SNX27: variants seen among roughly 807,000 people sequenced by gnomAD.
The protein encoded by SNX27 is sorting nexin 27, also known as sorting nexin-27.
A neutral mutation model predicts 71.6 loss-of-function variants in SNX27; 22 were observed. The ratio of observed to expected loss-of-function variants is 0.31; its 90% CI spans 0.22 to 0.44. The LOEUF (loss-of-function observed/expected upper bound fraction) is 0.44. Among genes scored for constraint, SNX27 ranks in the 20% least tolerant of loss-of-function variants. The pLI, the probability that SNX27 is intolerant of heterozygous loss-of-function variation, is 1.00. For missense variants in SNX27, 531 were observed against 698.6 expected (o/e 0.76, Z 2.70); for synonymous variants, 269 against 277.2 (o/e 0.97, Z 0.29).
At chr1:151,618,785 G>A (rs1486947885) in intron 1 of SNX27, among the ~76,000 whole-genome samples, 1 of 152,106 alleles carries the variant, frequency 6.6e-6, no homozygotes, top group Non-Finnish European at 1.5e-5. Flanking sequence ...CTGACAAAAG[G>A]ATATTGTGGT....
At chr1:151,647,457 T>C (rs960817288) in intron 2 of SNX27, among the ~76,000 whole-genome samples, 2 of 139,490 alleles carry the variant, frequency 1.4e-5, no homozygotes, top group Admixed American at 7.5e-5. Context: ...GCCTATTACA[T>C]GTTTTAAGGT....
chr1:151,614,209 GGCCAGT>G (rs1336208075), intron 1 of SNX27: 1 of 151,494 alleles, frequency 6.6e-6, no homozygotes, highest in Non-Finnish European at 1.5e-5. Context: ...TGCTCACCTA[GGCCAGT>G]GTTTGGAGAC....
At chr1:151,617,426 G>A (rs1165713748) in intron 1 of SNX27, among the ~76,000 whole-genome samples, 1 of 152,142 alleles carries the variant, frequency 6.6e-6, no homozygotes, top group Non-Finnish European at 1.5e-5. Context: ...TTACAGGCAT[G>A]TGCCACCACG....
intron 10 of SNX27, 104 bp downstream of exon 10, chr1:151,693,143 T>A (rs1671536879): frequency 6.7e-7 from 1 of 1,483,676 alleles, no homozygotes; most frequent in Admixed American, 2.0e-5. Flanking sequence ...GTAGTTGTCT[T>A]GAGATCCGAA....
chr1:151,612,484 G>T lies in SNX27; in HGVS notation c.283G>T (p.Val95Leu). ...LPGGAADRAG[V>L]RKGDRILEVN... is the part of the protein sequence containing the mutation. ...CGGGGGGGCGGCCGATCGGGCCGGG[G>T]TGCGCAAGGGGGACCGCATCCTGGA... The change falls in exon 1 of 12, where the codon GTG becomes TTG. Residue 95 changes from valine to leucine, a missense_variant. Around this residue, in one of 5 missense-constraint regions of SNX27, gnomAD observed 13 missense variants for 45.6 expected, o/e 0.28. Transcript: ENST00000458013. The surrounding 1 kb of genome is among the most constrained non-coding windows in gnomAD (Gnocchi z 5.2). 3 of 1,404,246 alleles carry T rather than the reference G, an allele frequency of 2.1e-6. No individual in the cohort carries two copies. Among genetic ancestry groups the T allele is most frequent in the Non-Finnish European group, 2.8e-6 (3 of 1,082,080 alleles). 87.0% of individuals were successfully genotyped at this position (1,404,246 alleles called of 1,614,324 possible). A position where few individuals can be genotyped will look rare whatever the true frequency, so the allele number is the denominator to read the frequency against.
At chr1:151,626,860 A>C (rs1667969776) in intron 1 of SNX27, among the ~76,000 whole-genome samples, 1 of 152,182 alleles carries the variant, frequency 6.6e-6, no homozygotes, top group African/African-American at 2.4e-5. Flanking sequence ...ATCATGACTG[A>C]AGAGAGACAA....
At chr1:151,624,370 A>G (rs1407697508) in intron 1 of SNX27, among the ~76,000 whole-genome samples, 1 of 150,374 alleles carries the variant, frequency 6.7e-6, no homozygotes, top group Non-Finnish European at 1.5e-5. Flanking sequence ...GGTAATGATC[A>G]GATAATAAAT....
intron 6 of SNX27, among the ~76,000 whole-genome samples, chr1:151,668,169 A>G (rs554742153): frequency 1.3e-5 from 2 of 152,264 alleles, no homozygotes; most frequent in African/African-American, 4.8e-5. Flanking sequence ...CACCTCTAAC[A>G]TTGGGGATCA....
In SNX27 at chr1:151,662,212, A is replaced by T. The variant is rs776237861; in HGVS notation, c.848A>T (p.Asp283Val). ...SDVELRVALP[D>V]GTTVTVRVKK... ...GTAGAGCTGAGAGTAGCATTACCAG[A>T]TGGAACAACGGTTACAGTCAGGGTT... is the stretch of plus-strand genomic sequence containing the variant. The change falls in exon 5 of 12, where the codon GAT becomes GTT. Residue 283 changes from aspartate (D) to valine (V), a missense_variant. Physicochemically the swap from Asp to Val is radical, Grantham distance 152. Coordinates refer to ENST00000458013, the MANE Select transcript of SNX27 (RefSeq NM_001330723.2). 1 of 1,613,820 alleles carries T rather than the reference A, an allele frequency of 6.2e-7. No homozygotes were observed. Among genetic ancestry groups the T allele is most frequent in the South Asian group, 1.1e-5 (1 of 91,076 alleles).
At chr1:151,635,733 G>C (rs569193046) in intron 1 of SNX27, among the ~76,000 whole-genome samples, 1 of 152,248 alleles carries the variant, frequency 6.6e-6, no homozygotes, top group African/African-American at 2.4e-5. Flanking sequence ...AGTTGAACCA[G>C]ATAAATATTA....
At chr1:151,688,857 T>C (rs1177911248) in intron 8 of SNX27, among the ~76,000 whole-genome samples, 1 of 152,084 alleles carries the variant, frequency 6.6e-6, no homozygotes, top group African/African-American at 2.4e-5. Flanking sequence ...GTTTCTTCTT[T>C]GAGGCTTTGT....
At chr1:151,651,056 C>T (rs1265612317) in intron 2 of SNX27, among the ~76,000 whole-genome samples, 10 of 152,042 alleles carry the variant, frequency 6.6e-5, no homozygotes, top group Non-Finnish European at 8.8e-5. Context: ...CCACCTTTCC[C>T]GCCTTTCTAT....
chr1:151,698,114 CA>C lies in SNX27; in HGVS notation c.*3698del, dbSNP rs1322640956. On this transcript the variant is annotated 3_prime_UTR_variant, in exon 12 of 12. Transcript: ENST00000458013. ...AGCTCCTAGGCCTGGACTGAGCTCT[CA>C]GGGGGGAATTAGATAAATATTCCAA... 1.3e-5 allele frequency: 2 copies of C among 152,234 alleles called. No homozygotes were observed. The highest frequency in any genetic ancestry group is 4.8e-5 in the African/African-American group (2 of 41,346). The allele number at this position is 152,234 out of a possible 1,614,324, so 9.4% of individuals were successfully genotyped here.
intron 1 of SNX27, among the ~76,000 whole-genome samples, chr1:151,634,752 T>C (rs1236890546): frequency 6.6e-6 from 1 of 152,198 alleles, no homozygotes; most frequent in Non-Finnish European, 1.5e-5. Flanking sequence ...TTTTCCTTCA[T>C]TTTATTATGA....
intron 1 of SNX27, chr1:151,615,877 TTG>T (rs1202122751): frequency 8.4e-6 from 8 of 950,000 alleles, no homozygotes; most frequent in Non-Finnish European, 8.8e-6. Flanking sequence ...TTCAGTTTCT[TTG>T]TGTTTCTTTT....
At chr1:151,631,492 C>T (rs985786114) in intron 1 of SNX27, among the ~76,000 whole-genome samples, 8 of 152,082 alleles carry the variant, frequency 5.3e-5, no homozygotes, top group Non-Finnish European at 8.8e-5. Flanking sequence ...TTGTAATCTT[C>T]GTTTTTGCAT....
intron 1 of SNX27, among the ~76,000 whole-genome samples, chr1:151,622,874 A>C (rs1667737179): frequency 6.6e-6 from 1 of 152,142 alleles, no homozygotes; most frequent in African/African-American, 2.4e-5. Context: ...CTGAAGCCAC[A>C]ACCTCCTGGA....
At chr1:151,640,030 C>T (rs548788237) in intron 2 of SNX27, among the ~76,000 whole-genome samples, 2 of 152,278 alleles carry the variant, frequency 1.3e-5, no homozygotes, top group African/African-American at 4.8e-5. Flanking sequence ...AGCTACTAAA[C>T]ATTTATGGTA....
At chr1:151,665,661 CTT>C (rs1397078186) in intron 5 of SNX27, among the ~76,000 whole-genome samples, 4 of 152,152 alleles carry the variant, frequency 2.6e-5, no homozygotes, top group Non-Finnish European at 5.9e-5. Context: ...CTATTATCAG[CTT>C]ACACTGGAAG....
Sources: gnomAD v4.1 joint callset for allele counts (sites outside exome capture counted in the v4.1 genomes callset) on GRCh38, gnomAD v4.1.1 for gene constraint, gnomAD v4.1.1 regional missense constraint, Gnocchi (gnomAD v3.1) non-coding constraint, MANE v1.5 for transcripts, NCBI Gene and HGNC (gene_info 2026-07-23, HGNC 2026-07-21) for gene names.